The following VPS54 variants were observed in gnomAD, a reference collection of about 807,000 sequenced individuals.
VPS54 encodes VPS54 subunit of GARP complex.
VPS54 carries 45 observed loss-of-function variants against 121.5 expected under a neutral mutation model. That is an observed-to-expected ratio of 0.37 (90% CI 0.29 to 0.47). The LOEUF is 0.47. Among genes scored for constraint, VPS54 ranks in the 20% least tolerant of loss-of-function variants. The pLI is 0.99. For synonymous variants in VPS54, 371 were observed against 385.8 expected, an observed-to-expected ratio of 0.96 and a Z score of 0.45; for missense variants, 1,090 against 1,131.4, an observed-to-expected ratio of 0.96 and a Z score of 0.52.
At chr2:63,909,419 T>C (rs1253754191) in intron 20 of VPS54, among the ~76,000 whole-genome samples, 17 of 132,508 alleles carry the variant, frequency 1.3e-4, no homozygotes, top group African/African-American at 4.8e-4. Context: ...CTGCCTTTTT[T>C]TTTTTTTTTT....
chr2:63,930,589 T>G (rs947091061), intron 12 of VPS54, among the ~76,000 whole-genome samples: 2 of 152,220 alleles, frequency 1.3e-5, no homozygotes. Context: ...AAGCATTCAC[T>G]TTGAAAACCG....
intron 12 of VPS54, among the ~76,000 whole-genome samples, chr2:63,923,632 A>T (rs1673752280): frequency 6.6e-6 from 1 of 152,206 alleles, no homozygotes; most frequent in Non-Finnish European, 1.5e-5. Context: ...AAAGGAAGAA[A>T]ATTTTGATAT....
intron 1 of VPS54, among the ~76,000 whole-genome samples, chr2:64,017,971 A>G (rs945994020): frequency 6.6e-6 from 1 of 152,206 alleles, no homozygotes; most frequent in African/African-American, 2.4e-5. Context: ...CTGCTTAGAA[A>G]TCATTTAGGC....
At chr2:63,962,809 A>G (rs1199150674) in intron 6 of VPS54, among the ~76,000 whole-genome samples, 2 of 152,092 alleles carry the variant, frequency 1.3e-5, no homozygotes, top group Admixed American at 6.5e-5. Context: ...TTAGCCCCCA[A>G]TATCATTGCA....
intron 1 of VPS54, among the ~76,000 whole-genome samples, chr2:63,991,193 C>T (rs1485899868): frequency 1.3e-5 from 2 of 152,202 alleles, no homozygotes; most frequent in African/African-American, 2.4e-5. Context: ...CCAGGCCAAG[C>T]TCCTGTTTCT....
At chr2:63,980,488 C>A (rs1250645284) in intron 3 of VPS54, among the ~76,000 whole-genome samples, 7 of 151,998 alleles carry the variant, frequency 4.6e-5, no homozygotes, top group Non-Finnish European at 1.0e-4. Context: ...TATTTTATGT[C>A]CTATCCATTC....
chr2:63,949,877 A>T (rs188220999), intron 7 of VPS54, among the ~76,000 whole-genome samples: 63 of 152,344 alleles, frequency 4.1e-4, no homozygotes, highest in African/African-American at 1.5e-3. Context: ...CCCATAGAAG[A>T]GTCCATGTCA....
intron 1 of VPS54, among the ~76,000 whole-genome samples, chr2:63,995,299 T>A (rs1213680521): frequency 5.9e-5 from 9 of 152,210 alleles, no homozygotes; most frequent in Non-Finnish European, 1.5e-5. Context: ...AACTGTCCAA[T>A]GCATTGTCAT....
At chr2:64,003,173 A>G (rs1447886234) in intron 1 of VPS54, among the ~76,000 whole-genome samples, 2 of 152,180 alleles carry the variant, frequency 1.3e-5, no homozygotes, top group African/African-American at 2.4e-5. Flanking sequence ...ATCAGTTCGA[A>G]AAAACAAACA....
At chr2:63,932,254 A>G (rs1674245452) in intron 12 of VPS54, among the ~76,000 whole-genome samples, 1 of 152,206 alleles carries the variant, frequency 6.6e-6, no homozygotes, top group South Asian at 2.1e-4. Flanking sequence ...CTTGGAACCA[A>G]CCCAAAGGTT....
intron 22 of VPS54, among the ~76,000 whole-genome samples, 169 bp downstream of exon 22, chr2:63,897,327 G>C (rs991828021): frequency 6.6e-6 from 1 of 151,878 alleles, no homozygotes; most frequent in African/African-American, 2.4e-5. Context: ...TAGATAGTTA[G>C]ATAGAAACAG....
chr2:63,980,906 A>G (rs1676773941), intron 3 of VPS54, among the ~76,000 whole-genome samples: 1 of 152,132 alleles, frequency 6.6e-6, no homozygotes, highest in African/African-American at 2.4e-5. Context: ...CAAATAAAAT[A>G]TATAGGTTCT....
intron 20 of VPS54, among the ~76,000 whole-genome samples, chr2:63,911,691 T>G (rs1163389724): frequency 2.0e-5 from 3 of 152,206 alleles, no homozygotes; most frequent in Admixed American, 6.5e-5. Flanking sequence ...GCAAGTAGGA[T>G]AAAAAGCAAA....
rs755361892 is a variant in VPS54 at position 63,893,393 on chromosome 2, C to T, written c.*37G>A. Reference sequence around the variant, plus strand: ...GATTTTCTTCATAACAAACACATCCCATGGTCAGATGAACTACCCAGTTTT... The same window carrying T: ...GATTTTCTTCATAACAAACACATCCTATGGTCAGATGAACTACCCAGTTTT... On this transcript the variant is annotated 3_prime_UTR_variant, in exon 23 of 23. Transcript: ENST00000272322. 5 of 1,540,210 alleles carry T rather than the reference C, an allele frequency of 3.2e-6. No homozygotes were observed. Among genetic ancestry groups the T allele is most frequent in the Non-Finnish European group, 2.7e-6 (3 of 1,113,032 alleles).
chr2:63,934,093 T>C (rs1035640675), intron 11 of VPS54, 80 bp from the exon 12 acceptor site: 2 of 1,274,146 alleles, frequency 1.6e-6, no homozygotes, highest in African/African-American at 3.0e-5. Context: ...TCTGTGCATG[T>C]AATTTTGGAC....
chr2:63,897,791 T>G (rs1175204775), intron 21 of VPS54, among the ~76,000 whole-genome samples: 1 of 152,210 alleles, frequency 6.6e-6, no homozygotes, highest in Admixed American at 6.5e-5. Context: ...TTTACCCTCC[T>G]TAGCAGTACT....
intron 22 of VPS54, among the ~76,000 whole-genome samples, chr2:63,895,773 T>C (rs564041356): frequency 6.6e-6 from 1 of 152,306 alleles, no homozygotes; most frequent in Admixed American, 6.5e-5. Context: ...AAGACATGAA[T>C]TGACTTATAA....
At chr2:63,926,838 C>T (rs1285872098) in intron 12 of VPS54, among the ~76,000 whole-genome samples, 9 of 152,302 alleles carry the variant, frequency 5.9e-5, no homozygotes, top group East Asian at 1.9e-4. Flanking sequence ...GATCCCCTCC[C>T]GTGCCTGGCT....
intron 1 of VPS54, among the ~76,000 whole-genome samples, chr2:64,001,280 C>T (rs1168256522): frequency 1.3e-5 from 2 of 152,202 alleles, no homozygotes; most frequent in Non-Finnish European, 2.9e-5. Context: ...AAGCTCCCCT[C>T]TGGTCCAGGG....
Sources: allele counts gnomAD v4.1 joint callset (sites outside exome capture counted in the v4.1 genomes callset), GRCh38; gene constraint gnomAD v4.1.1; transcripts MANE v1.5; gene names NCBI Gene and HGNC (gene_info 2026-07-23, HGNC 2026-07-21).